Variants in SSX2IP observed in about 807,000 individuals in gnomAD.
SSX2IP encodes afadin- and alpha-actinin-binding protein.
SSX2IP carries 55 observed loss-of-function variants against 84.9 expected under a neutral mutation model. The ratio of observed to expected loss-of-function variants is 0.65; its 90% confidence interval spans 0.52 to 0.81. The LOEUF (loss-of-function observed/expected upper bound fraction) is 0.81. Ranked by LOEUF, SSX2IP falls within the 30% of genes least tolerant of loss-of-function variation. The probability of loss-of-function intolerance (pLI) is 0.00; values close to 1 mark genes in which losing one functional copy is unlikely to be tolerated. For synonymous variants in SSX2IP, 239 were observed against 234.7 expected (o/e 1.02, Z -0.17); for missense variants, 664 against 705.2 (o/e 0.94, Z 0.66).
intron 1 of SSX2IP, among the ~76,000 whole-genome samples, chr1:84,682,329 GTT>G (rs1267895096): frequency 3.9e-5 from 6 of 152,070 alleles, no homozygotes; most frequent in African/African-American, 1.2e-4. Context: ...CAACACTTCT[GTT>G]ATGTACTGAG....
chr1:84,689,100 A>G (rs1487796997), intron 1 of SSX2IP, among the ~76,000 whole-genome samples: 1 of 152,228 alleles, frequency 6.6e-6, no homozygotes, highest in Non-Finnish European at 1.5e-5. Context: ...TGATAGTTTT[A>G]GGATAAGAGA....
intron 1 of SSX2IP, among the ~76,000 whole-genome samples, chr1:84,679,872 C>T (rs955201542): frequency 6.6e-6 from 1 of 152,016 alleles, no homozygotes; most frequent in African/African-American, 2.4e-5. Flanking sequence ...GGTAATTTGC[C>T]CAAGGTCACA....
In SSX2IP at chr1:84,662,522, T is replaced by A. The variant is rs775665603; in HGVS notation, c.682A>T (p.Ile228Phe). 2.5e-6 allele frequency: 4 copies of A among 1,613,952 alleles called. No homozygotes were observed. The highest frequency in any genetic ancestry group is 3.4e-6 in the Non-Finnish European group (4 of 1,179,890). Residue 228 changes from isoleucine to phenylalanine, a missense_variant, in exon 7 of 14, where the codon ATT becomes TTT. Transcript: ENST00000342203. ...TCAGCTCTCCCGACATAATTCAAAA[T>A]GTCCATAGCTACAAACATGAACACA... is the stretch of plus-strand genomic sequence containing the variant. Reference protein sequence around the residue: ...NKKDKKIAMDILNYVGRADGK... With the variant: ...NKKDKKIAMDFLNYVGRADGK...
At chr1:84,647,694 AT>A in intron 13 of SSX2IP, 87 bp from the exon 14 acceptor site, 2 of 1,067,806 alleles carry the variant, frequency 1.9e-6, no homozygotes, top group Non-Finnish European at 2.5e-6. Context: ...TTCAAAAAAA[AT>A]AAGTTCCTTT....
Position 84,670,358 on chromosome 1 carries a change from TA to T in SSX2IP, c.213+287del, listed in dbSNP as rs150219922. 7.3e-3 allele frequency: 1,515 copies of T among 208,926 alleles called. 24 individuals carry two copies. The highest frequency in any genetic ancestry group is 0.033 in the African/African-American group (1,438 of 43,374). The allele number at this position is 208,926 out of a possible 1,614,324, so 12.9% of individuals were successfully genotyped here. ...GACGGGGCTCTTTTAGTCTCTGCTA[TA>T]AATCTGTGACATGGAGCAAGGCACT... On this transcript the variant is annotated intron_variant, in intron 3 of 13. Coordinates refer to ENST00000342203, the MANE Select transcript of SSX2IP (RefSeq NM_001166293.2).
chr1:84,663,506 A>G (rs966190012), intron 6 of SSX2IP, among the ~76,000 whole-genome samples: 1 of 152,238 alleles, frequency 6.6e-6, no homozygotes, highest in Non-Finnish European at 1.5e-5. Context: ...GCATTACTGA[A>G]TCTTCATTTC....
chr1:84,670,662 A>C lies in SSX2IP; in HGVS notation c.197T>G (p.Ile66Ser). The C allele has an allele frequency of 1.9e-6, 3 of 1,606,674 alleles. No individual in the cohort carries two copies. The highest frequency in any genetic ancestry group is 2.6e-6 in the Non-Finnish European group (3 of 1,176,400). ...ACATGTTACCTGATCAAGATATGAG[A>C]TACTCTGTTCAATATTATCTTCTGT... ...FCTEDNIEQS[I>S]SYLDQELTTF... Residue 66 changes from isoleucine (I) to serine (S), a missense_variant, in exon 3 of 14, where the codon ATC becomes AGC. Transcript: ENST00000342203.
chr1:84,653,146 CAATTTT>C (rs1232436115), intron 11 of SSX2IP, among the ~76,000 whole-genome samples: 4 of 151,988 alleles, frequency 2.6e-5, no homozygotes, highest in Admixed American at 6.5e-5. Context: ...GTCTTCATAT[CAATTTT>C]AAGTTCAAAT....
intron 13 of SSX2IP, among the ~76,000 whole-genome samples, chr1:84,649,114 TA>T (rs1299175705): frequency 2.0e-5 from 3 of 152,228 alleles, no homozygotes; most frequent in Non-Finnish European, 2.9e-5. Context: ...AAATATTCTG[TA>T]AATGAAATCC....
chr1:84,680,509 A>T (rs1301506751), intron 1 of SSX2IP: 1 of 152,196 alleles, frequency 6.6e-6, no homozygotes, highest in Non-Finnish European at 1.5e-5. Context: ...GGCTTAAAAA[A>T]AGGTCATGGG....
At chr1:84,658,235 A>G (rs1651413450) in intron 9 of SSX2IP, 83 bp downstream of exon 9, 2 of 1,519,768 alleles carry the variant, frequency 1.3e-6, no homozygotes, top group Non-Finnish European at 1.8e-6. Flanking sequence ...CTCTGAGCCT[A>G]TAATGCGGCT....
In SSX2IP at chr1:84,671,319, A is replaced by C; in HGVS notation, c.-89-11T>G. On this transcript the variant is annotated splice_polypyrimidine_tract_variant and intron_variant, in intron 1 of 13. Coordinates refer to ENST00000342203, the MANE Select transcript of SSX2IP (RefSeq NM_001166293.2). ...CTATGTAGGCATCTCCTTAAAAAGC[A>C]GATTATAGAATAATAGCATCTAATT... The C allele has an allele frequency of 1.3e-6, 2 of 1,535,068 alleles. No individual in the cohort carries two copies. Among genetic ancestry groups the C allele is most frequent in the Non-Finnish European group, 1.7e-6 (2 of 1,143,900 alleles).
At chr1:84,654,449 C>T (rs562610285) in intron 11 of SSX2IP, among the ~76,000 whole-genome samples, 1 of 152,066 alleles carries the variant, frequency 6.6e-6, no homozygotes, top group South Asian at 2.1e-4. Context: ...ATATTTTTGA[C>T]TATTCCAGAA....
chr1:84,664,532 G>A lies in SSX2IP; in HGVS notation c.558C>T (p.Ile186=). The change falls in exon 6 of 14, where the codon ATC becomes ATT. Residue 186 remains isoleucine, a synonymous_variant. Coordinates refer to ENST00000342203, the MANE Select transcript of SSX2IP (RefSeq NM_001166293.2). Reference sequence around the variant, plus strand: ...TATACTGAGTAGCTCGACTTGCAATGATATTTTGTAATTTTTGCACCTGAA... The same window carrying A: ...TATACTGAGTAGCTCGACTTGCAATAATATTTTGTAATTTTTGCACCTGAA... The part of the protein sequence containing the change: ...EKDEVQKLQN[I]IASRATQYNH... 3.2e-6 allele frequency: 5 copies of A among 1,574,564 alleles called. No individual in the cohort carries two copies. The highest frequency in any genetic ancestry group is 4.3e-6 in the Non-Finnish European group (5 of 1,165,106).
At chr1:84,664,773 C>T (rs983678580) in intron 5 of SSX2IP, among the ~76,000 whole-genome samples, 1 of 152,014 alleles carries the variant, frequency 6.6e-6, no homozygotes, top group Non-Finnish European at 1.5e-5. Context: ...ATCTCCTATA[C>T]CTTTTACCTT....
chr1:84,655,546 A>C, intron 11 of SSX2IP: 1 of 1,373,830 alleles, frequency 7.3e-7, no homozygotes, highest in South Asian at 1.2e-5. Flanking sequence ...TGGATACCCA[A>C]AAGAGATTTC....
chr1:84,663,164 T>C (rs2102341455), intron 6 of SSX2IP, among the ~76,000 whole-genome samples: 1 of 152,254 alleles, frequency 6.6e-6, no homozygotes, highest in Non-Finnish European at 1.5e-5. Flanking sequence ...ATAGTAGTAA[T>C]ATCTTCTGCT....
rs536476871 is a variant in SSX2IP, at chr1:84,686,192, T to C, written c.-90+4179A>G. 2.1e-4 allele frequency among the ~76,000 whole-genome samples: 32 copies of C among 152,146 alleles called. No individual in the cohort carries two copies. The East Asian group carries it at 5.6e-3, about 27-fold the overall frequency. ...TTGCTTTTTATCTTAATTTTTAAAA[T>C]TTTTTTACAAAAAGCATACAATACT... is the stretch of plus-strand genomic sequence containing the variant. On this transcript the variant is annotated intron_variant, in intron 1 of 13. Transcript: ENST00000342203.
chr1:84,686,794 T>TA (rs1274235241), intron 1 of SSX2IP, among the ~76,000 whole-genome samples: 1 of 152,196 alleles, frequency 6.6e-6, no homozygotes, highest in Non-Finnish European at 1.5e-5. Context: ...TTTTGAATTT[T>TA]AAAAAGTGTT....
Sources: gnomAD v4.1 joint callset for allele counts (sites outside exome capture counted in the v4.1 genomes callset) on GRCh38, gnomAD v4.1.1 for gene constraint, MANE v1.5 for transcripts, NCBI Gene and HGNC (gene_info 2026-07-23, HGNC 2026-07-21) for gene names.